Variants in TRIM71 observed in about 807,000 individuals in gnomAD.
TRIM71 encodes E3 ubiquitin-protein ligase TRIM71.
Under a neutral mutation model 61.2 loss-of-function variants are expected in TRIM71, and 9 were observed. That is an observed-to-expected ratio of 0.15 (90% CI 0.09 to 0.26). TRIM71 has a LOEUF of 0.26. Ranked by LOEUF, TRIM71 falls within the 10% of genes least tolerant of loss-of-function variation. TRIM71 has a pLI of 1.00. For synonymous variants in TRIM71, 645 were observed against 553.2 expected (o/e 1.17, Z -2.33); for missense variants, 998 against 1,238.7 (o/e 0.81, Z 2.92).
chr3:32,858,756 G>A lies in TRIM71; in HGVS notation c.853-15062G>A, dbSNP rs377420623. Among the ~76,000 whole-genome samples, 8 of 152,302 alleles carry A rather than the reference G, an allele frequency of 5.3e-5. No homozygotes were observed. In the East Asian group the frequency reaches 1.5e-3, roughly 29 times the overall value. ...GTGTATCACCTTTTCCTGACTTTAA[G>A]TGATAGACAAAGTAAGGGTGACTTG... On this transcript the variant is annotated intron_variant, in intron 1 of 3. Coordinates refer to ENST00000383763, the MANE Select transcript of TRIM71 (RefSeq NM_001039111.3).
Position 32,897,651 on chromosome 3 carries a change from G to C in TRIM71, c.*5840G>C, listed in dbSNP as rs893860675. 6.6e-6 allele frequency: 1 copy of C among 152,194 alleles called. No individual in the cohort carries two copies. Among genetic ancestry groups the C allele is most frequent in the African/African-American group, 2.4e-5 (1 of 41,438 alleles). 9.4% of individuals were successfully genotyped at this position (152,194 alleles called of 1,614,324 possible). On this transcript the variant is annotated 3_prime_UTR_variant, in exon 4 of 4. Transcript: ENST00000383763. ...CAAAAACTCCTGTGTTAGCTAACAG[G>C]CTTCTGAATGTATCACTGTGGTCCA... is the stretch of plus-strand genomic sequence containing the variant.
rs1295660505 is a variant in TRIM71, at chr3:32,891,010, C to T, written c.1806C>T (p.Ser602=). The change falls in exon 4 of 4, where the codon AGC becomes AGT. Residue 602 remains serine, a synonymous_variant. Transcript: ENST00000383763. The surrounding 1 kb of genome is among the most constrained non-coding windows in gnomAD (Gnocchi z 8.2). Reference sequence around the variant, plus strand: ...TGAGCTTCGGCAGTGAGGGTGACAGCGATGGCAAGCTCTGCCGCCCTTGGG... The same window carrying T: ...TGAGCTTCGGCAGTGAGGGTGACAGTGATGGCAAGCTCTGCCGCCCTTGGG... ...PGLSFGSEGD[S]DGKLCRPWGV... 5 of 1,614,028 alleles carry T rather than the reference C, an allele frequency of 3.1e-6. No individual in the cohort carries two copies. The highest frequency in any genetic ancestry group is 1.3e-5 in the African/African-American group (1 of 75,032).
intron 1 of TRIM71, among the ~76,000 whole-genome samples, chr3:32,844,770 A>G (rs900912378): frequency 1.3e-5 from 2 of 152,228 alleles, no homozygotes; most frequent in Non-Finnish European, 2.9e-5. Context: ...ACTTCAAGCC[A>G]TAACAATTCC....
At chr3:32,887,419 CT>C (rs1242581999) in intron 3 of TRIM71, among the ~76,000 whole-genome samples, 1 of 150,460 alleles carries the variant, frequency 6.6e-6, no homozygotes, top group Admixed American at 6.6e-5. Context: ...ATTTTGGATA[CT>C]TTTGCTATAG....
intron 1 of TRIM71, among the ~76,000 whole-genome samples, chr3:32,862,652 A>G (rs1389614803): frequency 6.6e-6 from 1 of 152,226 alleles, no homozygotes; most frequent in African/African-American, 2.4e-5. Context: ...TTGTGTGTCT[A>G]CGTCCAAATC....
At chr3:32,859,992 T>G (rs1696648078) in intron 1 of TRIM71, among the ~76,000 whole-genome samples, 1 of 152,178 alleles carries the variant, frequency 6.6e-6, no homozygotes, top group Non-Finnish European at 1.5e-5. Flanking sequence ...CACCCAGTTC[T>G]GTTCCCTGTT....
intron 2 of TRIM71, among the ~76,000 whole-genome samples, chr3:32,881,622 A>G (rs1257522467): frequency 6.6e-6 from 1 of 152,176 alleles, no homozygotes; most frequent in Non-Finnish European, 1.5e-5. Flanking sequence ...TAACATCCCA[A>G]AGATGGTTAA....
chr3:32,829,870 C>A (rs1034110373), intron 1 of TRIM71, among the ~76,000 whole-genome samples: 3 of 149,604 alleles, frequency 2.0e-5, no homozygotes, highest in African/African-American at 7.4e-5. Flanking sequence ...ACAAGTGTAG[C>A]TTTTTGAAAT....
rs542702839 is a variant in TRIM71, at chr3:32,885,984, G to A, written c.1071G>A (p.Ala357=). The A allele has an allele frequency of 5.0e-6, 8 of 1,614,184 alleles. No homozygotes were observed. The highest frequency in any genetic ancestry group is 2.2e-5 in the East Asian group (1 of 44,890). Reference sequence around the variant, plus strand: ...TGGCGGAACAGGTGGAGATGAAGGCGAAGGTTGTGCAGTCGGAGGTCAAAG... The same window carrying A: ...TGGCGGAACAGGTGGAGATGAAGGCAAAGGTTGTGCAGTCGGAGGTCAAAG... ...QTVAEQVEMK[A]KVVQSEVKAV... is the part of the protein sequence containing the mutation. The change falls in exon 3 of 4, where the codon GCG becomes GCA. Residue 357 remains alanine, a synonymous_variant. Coordinates refer to ENST00000383763, the MANE Select transcript of TRIM71 (RefSeq NM_001039111.3).
chr3:32,837,542 G>T (rs1037041304), intron 1 of TRIM71, among the ~76,000 whole-genome samples: 2 of 152,132 alleles, frequency 1.3e-5, no homozygotes, highest in Non-Finnish European at 2.9e-5. Context: ...TAACGTCGCC[G>T]GGCGTGGTGG....
At chr3:32,889,465 TA>T in intron 3 of TRIM71, among the ~76,000 whole-genome samples, 1 of 151,142 alleles carries the variant, frequency 6.6e-6, no homozygotes, top group Admixed American at 6.6e-5. Flanking sequence ...TTTTAACTTT[TA>T]TTTTTTTTAA....
intron 1 of TRIM71, among the ~76,000 whole-genome samples, chr3:32,859,788 G>T (rs546346838): frequency 4.6e-5 from 7 of 152,148 alleles, no homozygotes; most frequent in Non-Finnish European, 8.8e-5. Context: ...GTGCACACTG[G>T]TGGGAAGAGG....
chr3:32,835,826 A>AC (rs200913208), intron 1 of TRIM71, among the ~76,000 whole-genome samples: 5 of 132,744 alleles, frequency 3.8e-5, no homozygotes, highest in African/African-American at 1.7e-4. Flanking sequence ...TTTAAAATGT[A>AC]CCCCGTCCCA....
At chr3:32,874,970 G>A (rs371614530) in intron 2 of TRIM71, among the ~76,000 whole-genome samples, 3 of 151,994 alleles carry the variant, frequency 2.0e-5, no homozygotes, top group East Asian at 1.9e-4. Flanking sequence ...ACAGGCGCCC[G>A]CTGCCATTCC....
At chr3:32,884,895 A>G (rs1031701750) in intron 2 of TRIM71, among the ~76,000 whole-genome samples, 4 of 152,084 alleles carry the variant, frequency 2.6e-5, no homozygotes, top group Non-Finnish European at 4.4e-5. Flanking sequence ...CATTTCCCTC[A>G]CATCTACCTT....
At chr3:32,832,371 G>A (rs1306202229) in intron 1 of TRIM71, among the ~76,000 whole-genome samples, 4 of 152,200 alleles carry the variant, frequency 2.6e-5, no homozygotes, top group Non-Finnish European at 5.9e-5. Context: ...GAGGGCCTGA[G>A]GTGGGAGGAT....
chr3:32,894,890 T>C lies in TRIM71; in HGVS notation c.*3079T>C, dbSNP rs1697063043. 1.3e-5 allele frequency: 2 copies of C among 152,132 alleles called. No homozygotes were observed. The highest frequency in any genetic ancestry group is 4.1e-4 in the South Asian group (2 of 4,828). The allele number at this position is 152,132 out of a possible 1,614,324, so 9.4% of individuals were successfully genotyped here. A position where few individuals can be genotyped will look rare whatever the true frequency, so the allele number is the denominator to read the frequency against. The stretch of plus-strand genomic sequence containing the variant: ...CATCCTGATGGAAAAAATAAGGTCC[T>C]GGGTATTATGAGGTAGGAGAATAAA... On this transcript the variant is annotated 3_prime_UTR_variant, in exon 4 of 4. Coordinates refer to ENST00000383763, the MANE Select transcript of TRIM71 (RefSeq NM_001039111.3).
intron 1 of TRIM71, among the ~76,000 whole-genome samples, chr3:32,822,883 G>A (rs1051806995): frequency 3.3e-5 from 5 of 152,086 alleles, no homozygotes; most frequent in Admixed American, 1.3e-4. Context: ...ATTTCTACAA[G>A]AAATTGGCAT....
At chr3:32,854,098 C>T (rs1038209946) in intron 1 of TRIM71, among the ~76,000 whole-genome samples, 3 of 152,114 alleles carry the variant, frequency 2.0e-5, no homozygotes, top group African/African-American at 7.2e-5. Flanking sequence ...AAGTAATTCT[C>T]ATGCCTGAGC....
Sources: allele counts gnomAD v4.1 joint callset (sites outside exome capture counted in the v4.1 genomes callset), GRCh38; gene constraint gnomAD v4.1.1; non-coding constraint Gnocchi (gnomAD v3.1); transcripts MANE v1.5; gene names NCBI Gene and HGNC (gene_info 2026-07-23, HGNC 2026-07-21).